NRG1: variants seen among roughly 807,000 people sequenced by gnomAD.
The protein encoded by NRG1 is neuregulin 1.
NRG1 carries 18 observed loss-of-function variants against 63.8 expected under a neutral mutation model. The observed-to-expected ratio is 0.28, with a 90% CI of 0.19 to 0.42. NRG1 has a LOEUF of 0.42. NRG1 is among the 10% of genes least tolerant of loss of function. NRG1 has a pLI of 1.00. For missense variants in NRG1, 762 were observed against 814.7 expected (o/e 0.94, Z 0.79); for synonymous variants, 302 against 301.3 (o/e 1.00, Z -0.02).
intron 1 of NRG1, among the ~76,000 whole-genome samples, chr8:31,672,921 T>G (rs1807302842): frequency 6.6e-6 from 1 of 151,490 alleles, no homozygotes; most frequent in African/African-American, 2.4e-5. Context: ...GTCATAAATA[T>G]GCTTTACAAT....
rs750673319 is a variant in NRG1 at position 32,742,122 on chromosome 8, A to G, written c.633-553A>G. 1 of 1,420,148 alleles carries G rather than the reference A, an allele frequency of 7.0e-7. No homozygotes were observed. The highest frequency in any genetic ancestry group is 1.0e-6 in the Non-Finnish European group (1 of 1,003,850). 88.0% of individuals were successfully genotyped at this position (1,420,148 alleles called of 1,614,324 possible). A position where few individuals can be genotyped will look rare whatever the true frequency, so the allele number is the denominator to read the frequency against. ...TTTGCTTTCTCCCCCAACTACAGCA[A>G]CAATCACTACCACTTGGTGCTTTTA... On this transcript the variant is annotated intron_variant, in intron 6 of 11. Coordinates refer to ENST00000356819, the Ensembl canonical transcript of NRG1. The surrounding 1 kb of genome is among the most constrained non-coding windows in gnomAD (Gnocchi z 4.2).
intron 1 of NRG1, among the ~76,000 whole-genome samples, chr8:31,810,888 A>G (rs17603876): frequency 0.078 from 11,901 of 152,232 alleles, 659 homozygotes; most frequent in Non-Finnish European, 0.11. Flanking sequence ...ACATGAGGCT[A>G]TATATCAAAG....
chr8:32,555,936 A>G (rs1563637446), intron 1 of NRG1, among the ~76,000 whole-genome samples: 5 of 152,202 alleles, frequency 3.3e-5, no homozygotes. Flanking sequence ...TGCTCCAAGA[A>G]ATCTGTCGTT....
intron 6 of NRG1, among the ~76,000 whole-genome samples, chr8:32,728,909 CA>C (rs562044595): frequency 1.0e-4 from 15 of 150,208 alleles, no homozygotes; most frequent in Non-Finnish European, 1.5e-4. Context: ...ACTAAAAATG[CA>C]AAAAAAAATT....
intron 1 of NRG1, among the ~76,000 whole-genome samples, chr8:31,981,190 A>C (rs968649831): frequency 6.6e-6 from 1 of 152,074 alleles, no homozygotes; most frequent in Non-Finnish European, 1.5e-5. Flanking sequence ...TTTGTTCCAG[A>C]CTAGTTGTGT....
intron 1 of NRG1, among the ~76,000 whole-genome samples, chr8:32,308,649 G>GTGGAGTTAAA (rs1856489478): frequency 6.6e-6 from 1 of 152,098 alleles, no homozygotes; most frequent in African/African-American, 2.4e-5. Context: ...CATGTGTGCT[G>GTGGAGTTAAA]GACTCTTGCT....
chr8:32,269,482 G>T (rs1851327310), intron 1 of NRG1, among the ~76,000 whole-genome samples: 1 of 152,254 alleles, frequency 6.6e-6, no homozygotes, highest in Admixed American at 6.5e-5. Flanking sequence ...GCTTTGATCT[G>T]CTTGTCATCT....
chr8:32,239,141 A>G (rs776336106), intron 1 of NRG1, among the ~76,000 whole-genome samples: 4 of 152,140 alleles, frequency 2.6e-5, no homozygotes, highest in African/African-American at 4.8e-5. Flanking sequence ...ATTTCTTAGG[A>G]TATAGCTTAA....
chr8:32,159,438 G>A (rs1029500984), intron 1 of NRG1, among the ~76,000 whole-genome samples: 2 of 149,154 alleles, frequency 1.3e-5, no homozygotes, highest in Non-Finnish European at 2.9e-5. Context: ...GGAGGCTGAG[G>A]CAGGAGAATG....
At position 32,730,778 on chromosome 8, in the gene NRG1, G is replaced by A. The variant is rs188742784; in HGVS notation, c.632+2700G>A. On this transcript the variant is annotated intron_variant, in intron 6 of 11. Coordinates refer to ENST00000356819, the Ensembl canonical transcript of NRG1. ...TAGAAAATGCCAGAAGCTGAGAATTGTAATCTATAAAATATGAGGTTCATT... is the reference window on the plus strand; with the variant it reads ...TAGAAAATGCCAGAAGCTGAGAATTATAATCTATAAAATATGAGGTTCATT... Among the ~76,000 whole-genome samples the A allele has an allele frequency of 2.7e-3, 414 of 152,250 alleles. 1 individual carries two copies. The highest frequency in any genetic ancestry group is 4.0e-3 in the Non-Finnish European group (273 of 68,002).
intron 1 of NRG1, among the ~76,000 whole-genome samples, chr8:32,554,168 A>G (rs1834659054): frequency 6.6e-6 from 1 of 152,226 alleles, no homozygotes; most frequent in African/African-American, 2.4e-5. Context: ...ATCAGATAGT[A>G]TTAGCTTGAA....
intron 1 of NRG1, among the ~76,000 whole-genome samples, chr8:32,221,502 G>T (rs1485941128): frequency 1.3e-5 from 2 of 152,028 alleles, no homozygotes; most frequent in African/African-American, 4.8e-5. Flanking sequence ...AGTAAGATGG[G>T]GTAAGGCAAA....
At chr8:32,734,518 C>T (rs916534278) in intron 6 of NRG1, among the ~76,000 whole-genome samples, 1 of 152,168 alleles carries the variant, frequency 6.6e-6, no homozygotes, top group Non-Finnish European at 1.5e-5. Context: ...GTTACACTTG[C>T]CTGTGGTACT....
At chr8:32,174,396 G>T (rs1429255993) in intron 1 of NRG1, among the ~76,000 whole-genome samples, 4 of 151,784 alleles carry the variant, frequency 2.6e-5, no homozygotes, top group East Asian at 1.9e-4. Context: ...GATCTAAAAT[G>T]GACACCCTAA....
intron 5 of NRG1, among the ~76,000 whole-genome samples, chr8:32,692,461 C>G (rs1042391010): frequency 1.3e-5 from 2 of 152,188 alleles, no homozygotes; most frequent in African/African-American, 4.8e-5. Flanking sequence ...CCCTGGAAGG[C>G]TGGCTTAGAT....
At chr8:32,501,439 T>A (rs934050530) in intron 1 of NRG1, among the ~76,000 whole-genome samples, 6 of 152,178 alleles carry the variant, frequency 3.9e-5, no homozygotes, top group African/African-American at 1.4e-4. Flanking sequence ...TAAGCTCATC[T>A]CTCTTTTTAC....
chr8:31,861,887 A>G (rs554810447), intron 1 of NRG1, among the ~76,000 whole-genome samples: 80 of 152,110 alleles, frequency 5.3e-4, no homozygotes, highest in Non-Finnish European at 8.8e-4. Flanking sequence ...GAACATTCAG[A>G]CAGTTCACCC....
intron 1 of NRG1, among the ~76,000 whole-genome samples, chr8:31,679,371 A>G (rs558262870): frequency 5.3e-5 from 8 of 152,246 alleles, no homozygotes; most frequent in Middle Eastern, 6.8e-3. Context: ...TTCTTAATAG[A>G]AAGTAAACTT....
intron 5 of NRG1, among the ~76,000 whole-genome samples, chr8:32,686,214 C>A (rs2128926127): frequency 6.6e-6 from 1 of 151,616 alleles, no homozygotes; most frequent in East Asian, 1.9e-4. Flanking sequence ...CATAAGAAGA[C>A]AAAATATATG....
Sources: allele counts gnomAD v4.1 joint callset (sites outside exome capture counted in the v4.1 genomes callset), GRCh38; gene constraint gnomAD v4.1.1; non-coding constraint Gnocchi (gnomAD v3.1); transcripts MANE v1.5; gene names NCBI Gene and HGNC (gene_info 2026-07-23, HGNC 2026-07-21).